The following SYT17 variants were observed in gnomAD, a reference collection of about 807,000 sequenced individuals.
SYT17 encodes synaptotagmin 17.
SYT17 carries 22 observed loss-of-function variants against 46.7 expected under a neutral mutation model. The observed-to-expected ratio is 0.47, with a 90% CI of 0.34 to 0.67. The LOEUF (loss-of-function observed/expected upper bound fraction) is 0.67, where lower values mean the gene tolerates loss of function less well. Among genes scored for constraint, SYT17 ranks in the 30% least tolerant of loss-of-function variants. SYT17 has a pLI of 0.01. For synonymous variants in SYT17, 251 were observed against 248.4 expected (o/e 1.01, Z -0.10); for missense variants, 519 against 612.8 (o/e 0.85, Z 1.62).
chr16:19,239,638 C>A (rs1966942658), intron 7 of SYT17, among the ~76,000 whole-genome samples: 1 of 152,196 alleles, frequency 6.6e-6, no homozygotes, highest in Non-Finnish European at 1.5e-5. Context: ...TGAATTAACT[C>A]ATTTAATCTG....
intron 7 of SYT17, among the ~76,000 whole-genome samples, chr16:19,226,154 G>C (rs938320255): frequency 6.6e-6 from 1 of 152,078 alleles, no homozygotes; most frequent in Admixed American, 6.6e-5. Context: ...CAGATCTAGG[G>C]ACTGAGGCTT....
chr16:19,234,959 G>A (rs1353749069), intron 7 of SYT17, among the ~76,000 whole-genome samples: 1 of 152,152 alleles, frequency 6.6e-6, no homozygotes, highest in Non-Finnish European at 1.5e-5. Flanking sequence ...TGGGAGCCAG[G>A]AATTGACACC....
chr16:19,218,449 A>G (rs936727355), intron 5 of SYT17, among the ~76,000 whole-genome samples: 2 of 152,188 alleles, frequency 1.3e-5, no homozygotes, highest in African/African-American at 4.8e-5. Context: ...CATGCTGTGT[A>G]TGGAGGATGG....
chr16:19,222,805 G>C (rs552424827), intron 5 of SYT17, among the ~76,000 whole-genome samples: 1 of 152,156 alleles, frequency 6.6e-6, no homozygotes, highest in Non-Finnish European at 1.5e-5. Flanking sequence ...AAAAATTATT[G>C]CTGCTTTTGT....
chr16:19,242,542 T>G lies in SYT17; in HGVS notation c.1228+17704T>G, dbSNP rs528814342. On this transcript the variant is annotated intron_variant, in intron 7 of 7. Coordinates refer to ENST00000355377, the MANE Select transcript of SYT17 (RefSeq NM_016524.4). ...TTTTTTTAATTAAAAAAATTTTTTT[T>G]GAGATGGGGTCTCACTCTGTTGCCC... 8.2e-3 allele frequency among the ~76,000 whole-genome samples: 1,243 copies of G among 152,224 alleles called. 22 individuals are homozygous for G. Among genetic ancestry groups the G allele is most frequent in the African/African-American group, 0.029 (1,184 of 41,534 alleles).
At chr16:19,218,742 C>A (rs1031150186) in intron 5 of SYT17, among the ~76,000 whole-genome samples, 1 of 152,210 alleles carries the variant, frequency 6.6e-6, no homozygotes, top group African/African-American at 2.4e-5. Flanking sequence ...TTGGGCAGAG[C>A]CCCTGGGATC....
chr16:19,260,334 ACC>A (rs1450024871), intron 7 of SYT17, among the ~76,000 whole-genome samples: 1 of 122,842 alleles, frequency 8.1e-6, no homozygotes, highest in Non-Finnish European at 1.7e-5. Flanking sequence ...TACAGAAAAT[ACC>A]AAAAAAAAAA....
intron 3 of SYT17, among the ~76,000 whole-genome samples, chr16:19,174,893 G>A (rs1171728022): frequency 1.3e-5 from 2 of 152,124 alleles, no homozygotes; most frequent in Non-Finnish European, 2.9e-5. Flanking sequence ...GAGGGCAGGC[G>A]GATCACTTGA....
intron 7 of SYT17, among the ~76,000 whole-genome samples, chr16:19,263,989 A>G (rs192267145): frequency 1.3e-5 from 2 of 152,266 alleles, no homozygotes; most frequent in African/African-American, 4.8e-5. Context: ...GACCTTTGGG[A>G]GATGATTAGG....
chr16:19,209,593 G>A (rs889917273), intron 5 of SYT17, among the ~76,000 whole-genome samples: 2 of 152,178 alleles, frequency 1.3e-5, no homozygotes, highest in African/African-American at 4.8e-5. Flanking sequence ...CATTTCGGCT[G>A]GGCGCGGTGG....
intron 7 of SYT17, among the ~76,000 whole-genome samples, chr16:19,244,333 TTTATTA>T (rs1292016989): frequency 8.1e-6 from 1 of 123,174 alleles, no homozygotes; most frequent in Non-Finnish European, 1.9e-5. Flanking sequence ...ATTTCTTTTC[TTTATTA>T]TTATTTTTTT....
intron 7 of SYT17, among the ~76,000 whole-genome samples, chr16:19,231,430 G>T (rs1966678277): frequency 7.0e-6 from 1 of 143,320 alleles, no homozygotes; most frequent in South Asian, 2.2e-4. Context: ...AATTAGCTGG[G>T]CATGGTGGCG....
intron 7 of SYT17, among the ~76,000 whole-genome samples, chr16:19,246,596 A>T (rs1967591792): frequency 6.6e-6 from 1 of 152,142 alleles, no homozygotes; most frequent in Non-Finnish European, 1.5e-5. Context: ...ATATACGTAC[A>T]CATATGTGTG....
chr16:19,242,160 CACAGAAAA>C (rs780817217), intron 7 of SYT17, among the ~76,000 whole-genome samples: 59 of 152,124 alleles, frequency 3.9e-4, no homozygotes, highest in Non-Finnish European at 7.5e-4. Context: ...GCTGAAGAAA[CACAGAAAA>C]ACAGAAAAAA....
intron 5 of SYT17, among the ~76,000 whole-genome samples, chr16:19,184,354 T>C (rs1964690839): frequency 1.3e-5 from 2 of 151,920 alleles, no homozygotes; most frequent in African/African-American, 2.4e-5. Flanking sequence ...AACCAGGAAA[T>C]AGATGTTGGT....
At chr16:19,173,652 G>A (rs1964198138) in intron 3 of SYT17, 74 bp downstream of exon 3, 16 of 1,532,456 alleles carry the variant, frequency 1.0e-5, no homozygotes, top group Non-Finnish European at 1.1e-5. Context: ...GGCGGGTTGG[G>A]GGTCTGGGCC....
chr16:19,168,306 G>C lies in SYT17; in HGVS notation c.-341G>C. 2 of 305,196 alleles carry C rather than the reference G, an allele frequency of 6.6e-6. No homozygotes were observed. The highest frequency in any genetic ancestry group is 7.6e-5 in the South Asian group (2 of 26,338). 18.9% of individuals were successfully genotyped at this position (305,196 alleles called of 1,614,324 possible). On this transcript the variant is annotated 5_prime_UTR_variant, in exon 1 of 8. Coordinates refer to ENST00000355377, the MANE Select transcript of SYT17 (RefSeq NM_016524.4). This position sits in a 1 kb window ranked among gnomAD's most constrained non-coding sequence, Gnocchi z 6.9. ...TCGCTGCAGTCCCCGCAGCTGCCCCGGGCTGCTTGCCCAGGCGCCCCGGCC... is the reference window on the plus strand; with the variant it reads ...TCGCTGCAGTCCCCGCAGCTGCCCCCGGCTGCTTGCCCAGGCGCCCCGGCC...
At chr16:19,223,757 T>G (rs773881023) in intron 6 of SYT17, among the ~76,000 whole-genome samples, 9 of 152,146 alleles carry the variant, frequency 5.9e-5, no homozygotes, top group Non-Finnish European at 1.0e-4. Flanking sequence ...TAAAATAAAT[T>G]ACTTTTGCAA....
intron 7 of SYT17, among the ~76,000 whole-genome samples, chr16:19,241,218 A>G (rs1317364872): frequency 6.6e-6 from 1 of 151,526 alleles, no homozygotes; most frequent in East Asian, 2.0e-4. Context: ...AAGTGCTGGG[A>G]TTACAGGCGT....
Sources: allele counts gnomAD v4.1 joint callset (sites outside exome capture counted in the v4.1 genomes callset), GRCh38; gene constraint gnomAD v4.1.1; non-coding constraint Gnocchi (gnomAD v3.1); transcripts MANE v1.5; gene names NCBI Gene and HGNC (gene_info 2026-07-23, HGNC 2026-07-21).